MCPH1: variants seen among roughly 807,000 people sequenced by gnomAD.
MCPH1 encodes microcephalin.
A neutral mutation model predicts 84.5 loss-of-function variants in MCPH1; 104 were observed. The observed-to-expected ratio is 1.23, with a 90% CI of 1.05 to 1.45. The LOEUF is 1.45. MCPH1 is among the 40% of genes most tolerant of loss of function. The pLI, the probability that MCPH1 is intolerant of heterozygous loss-of-function variation, is 0.00. For missense variants in MCPH1, 1,498 were observed against 1,005.7 expected (o/e 1.49, Z -6.62); for synonymous variants, 514 against 366.8 (o/e 1.40, Z -4.58).
chr8:6,571,523 T>C (rs1047422235), intron 12 of MCPH1, among the ~76,000 whole-genome samples: 4 of 152,206 alleles, frequency 2.6e-5, no homozygotes, highest in African/African-American at 9.6e-5. Flanking sequence ...GAGTGAATTT[T>C]CATTTGAAAG....
chr8:6,412,436 T>C (rs913439727), intron 2 of MCPH1, among the ~76,000 whole-genome samples: 2 of 152,226 alleles, frequency 1.3e-5, no homozygotes, highest in East Asian at 1.9e-4. Flanking sequence ...TGAATACAGA[T>C]CAATAGTCGT....
chr8:6,557,714 C>CACACACAT (rs972904886), intron 12 of MCPH1, among the ~76,000 whole-genome samples: 15 of 150,690 alleles, frequency 1.0e-4, no homozygotes, highest in Non-Finnish European at 2.2e-4. Context: ...CACACACACA[C>CACACACAT]ATACATATAT....
At chr8:6,514,728 T>C in intron 12 of MCPH1, 1 of 1,614,102 alleles carries the variant, frequency 6.2e-7, no homozygotes, top group Non-Finnish European at 8.5e-7. Context: ...CATCCTCACG[T>C]CGCTGAATAA....
chr8:6,470,005 T>C (rs946833602), intron 9 of MCPH1, among the ~76,000 whole-genome samples: 2 of 152,222 alleles, frequency 1.3e-5, no homozygotes, highest in Admixed American at 6.5e-5. Flanking sequence ...ACTGTGTGCT[T>C]TTCCTGTTAA....
intron 12 of MCPH1, among the ~76,000 whole-genome samples, chr8:6,522,783 A>AG (rs1554521871): frequency 6.7e-6 from 1 of 150,066 alleles, no homozygotes; most frequent in East Asian, 1.9e-4. Context: ...CAAAAAAAAA[A>AG]AAGAAAAGAA....
intron 3 of MCPH1, among the ~76,000 whole-genome samples, chr8:6,424,523 C>G (rs1426191167): frequency 6.6e-6 from 1 of 152,254 alleles, no homozygotes; most frequent in Non-Finnish European, 1.5e-5. Flanking sequence ...CCCGCCTCCT[C>G]AGCCTTCTCA....
At chr8:6,559,287 G>T (rs1430563597) in intron 12 of MCPH1, among the ~76,000 whole-genome samples, 1 of 150,648 alleles carries the variant, frequency 6.6e-6, no homozygotes, top group East Asian at 2.0e-4. Flanking sequence ...GCAGGGTGGG[G>T]CTAGCGGGCT....
At chr8:6,495,545 A>G (rs939973780) in intron 11 of MCPH1, among the ~76,000 whole-genome samples, 1 of 152,284 alleles carries the variant, frequency 6.6e-6, no homozygotes, top group East Asian at 1.9e-4. Context: ...CAAAGGATCT[A>G]TAAAATCTGA....
At chr8:6,513,964 CTG>C in intron 12 of MCPH1, 2 of 974,434 alleles carry the variant, frequency 2.1e-6, no homozygotes, top group Non-Finnish European at 3.0e-6. Context: ...CCTTCTGGTG[CTG>C]TGACAATTTA....
chr8:6,453,796 G>C (rs1355569875), intron 8 of MCPH1, among the ~76,000 whole-genome samples: 3 of 152,188 alleles, frequency 2.0e-5, no homozygotes, highest in Non-Finnish European at 4.4e-5. Flanking sequence ...GTCAGTGCAA[G>C]TCAACCATAA....
At chr8:6,438,411 C>CAT (rs1483640290) in intron 5 of MCPH1, among the ~76,000 whole-genome samples, 1 of 151,970 alleles carries the variant, frequency 6.6e-6, no homozygotes, top group Non-Finnish European at 1.5e-5. Flanking sequence ...GCTCTTTGAG[C>CAT]ATATGCAAGG....
intron 9 of MCPH1, among the ~76,000 whole-genome samples, chr8:6,456,159 A>G (rs1424087686): frequency 2.0e-5 from 3 of 152,070 alleles, no homozygotes; most frequent in Non-Finnish European, 4.4e-5. Context: ...TTTGTCTCGG[A>G]AAAAAAAGTG....
intron 12 of MCPH1, among the ~76,000 whole-genome samples, chr8:6,617,886 C>A (rs2129580226): frequency 6.7e-6 from 1 of 149,388 alleles, no homozygotes; most frequent in African/African-American, 2.5e-5. Flanking sequence ...ATCCATCTAT[C>A]TATCTATCTA....
rs772740330 is a variant in MCPH1, at chr8:6,477,611, C to G, written c.1953C>G (p.Val651=). The G allele has an allele frequency of 7.4e-6, 12 of 1,613,016 alleles. No individual in the cohort carries two copies. Among genetic ancestry groups the G allele is most frequent in the Middle Eastern group, 1.7e-4 (1 of 5,974 alleles). The part of the protein sequence containing the change: ...GRGKKPTRTL[V]MTSMPSEKQN... ...ATCTCTAGCCAACAAGAACATTAGT[C>G]ATGACAAGCATGCCATCTGAGTAAG... Residue 651 remains valine, a synonymous_variant, in exon 10 of 14, where the codon GTC becomes GTG. Transcript: ENST00000344683.
intron 12 of MCPH1, among the ~76,000 whole-genome samples, chr8:6,566,710 G>T (rs1274063417): frequency 6.8e-6 from 1 of 146,388 alleles, no homozygotes; most frequent in Non-Finnish European, 1.5e-5. Context: ...TGCGGTGACC[G>T]TGTGTGATCG....
chr8:6,477,467 C>CT (rs1563262413), intron 9 of MCPH1, 127 bp from the exon 10 acceptor site: 24 of 797,190 alleles, frequency 3.0e-5, no homozygotes, highest in Admixed American at 1.9e-4. Flanking sequence ...TTTTCTTTGA[C>CT]ATATGCTTAA....
At position 6,578,861 on chromosome 8, in the gene MCPH1, G is replaced by A. The variant is rs115382455; in HGVS notation, c.2215-42593G>A. On this transcript the variant is annotated intron_variant, in intron 12 of 13. Coordinates refer to ENST00000344683, the MANE Select transcript of MCPH1 (RefSeq NM_024596.5). ...TCGGCTCCTTTGGAAGAGGTTCAAC[G>A]TTGGGAGCACAGGTTGCTTCTCTGG... 1.8e-3 allele frequency among the ~76,000 whole-genome samples: 275 copies of A among 152,326 alleles called. 2 individuals are homozygous for A. The highest frequency in any genetic ancestry group is 6.4e-3 in the African/African-American group (264 of 41,574).
At chr8:6,535,512 C>A (rs571741836) in intron 12 of MCPH1, among the ~76,000 whole-genome samples, 1 of 152,042 alleles carries the variant, frequency 6.6e-6, no homozygotes, top group Non-Finnish European at 1.5e-5. Context: ...TAATGTGTGT[C>A]CATTTATGTT....
chr8:6,608,644 G>C (rs1436542751), intron 12 of MCPH1, among the ~76,000 whole-genome samples: 1 of 152,150 alleles, frequency 6.6e-6, no homozygotes, highest in Non-Finnish European at 1.5e-5. Flanking sequence ...AGAATCGTCT[G>C]GGGAGAATTT....
Sources: gnomAD v4.1 joint callset for allele counts (sites outside exome capture counted in the v4.1 genomes callset) on GRCh38, gnomAD v4.1.1 for gene constraint, MANE v1.5 for transcripts, NCBI Gene and HGNC (gene_info 2026-07-23, HGNC 2026-07-21) for gene names.